MECOM: variants seen among roughly 807,000 people sequenced by gnomAD.
The protein encoded by MECOM is MDS1 and EVI1 complex locus, also known as histone-lysine N-methyltransferase MECOM.
In MECOM, 13 loss-of-function variants were observed where a neutral mutation model predicts 116.3. The ratio of observed to expected loss-of-function variants is 0.11; its 90% confidence interval spans 0.07 to 0.18. MECOM has a LOEUF of 0.18. Ranked by LOEUF, MECOM falls within the 10% of genes least tolerant of loss-of-function variation. MECOM has a pLI of 1.00. For missense variants in MECOM, 1,299 were observed against 1,509.0 expected, an observed-to-expected ratio of 0.86 and a Z score of 2.31; for synonymous variants, 528 against 535.2, an observed-to-expected ratio of 0.99 and a Z score of 0.19.
At chr3:169,315,601 G>C (rs990135685) in intron 2 of MECOM, among the ~76,000 whole-genome samples, 57 of 152,212 alleles carry the variant, frequency 3.7e-4, no homozygotes, top group African/African-American at 1.3e-3. Context: ...TATGTAACAA[G>C]AATAATAAAT....
At chr3:169,438,521 G>A (rs527423843) in intron 1 of MECOM, among the ~76,000 whole-genome samples, 1 of 152,286 alleles carries the variant, frequency 6.6e-6, no homozygotes, top group South Asian at 2.1e-4. Flanking sequence ...TGAGGGATCT[G>A]GGGTTTTATC....
chr3:169,498,454 T>C (rs113663410), intron 1 of MECOM, among the ~76,000 whole-genome samples: 3 of 152,182 alleles, frequency 2.0e-5, no homozygotes, highest in Non-Finnish European at 2.9e-5. Context: ...TAAAGGATGC[T>C]CGGTTTATGC....
At chr3:169,624,145 G>A (rs751202150) in intron 1 of MECOM, among the ~76,000 whole-genome samples, 6 of 152,178 alleles carry the variant, frequency 3.9e-5, no homozygotes, top group Non-Finnish European at 7.3e-5. Flanking sequence ...AGATGAAGGC[G>A]CAGGGGCCTA....
At chr3:169,506,299 G>A (rs1445263735) in intron 1 of MECOM, among the ~76,000 whole-genome samples, 2 of 152,052 alleles carry the variant, frequency 1.3e-5, no homozygotes, top group Non-Finnish European at 2.9e-5. Context: ...TTTAACCAAG[G>A]AAATGACTAT....
intron 2 of MECOM, among the ~76,000 whole-genome samples, chr3:169,287,717 G>A (rs574948761): frequency 5.9e-5 from 9 of 152,204 alleles, no homozygotes; most frequent in Admixed American, 4.6e-4. Context: ...ATCCTTAAAA[G>A]TGAGGCCGTA....
chr3:169,519,295 G>T (rs1757068649), intron 1 of MECOM, among the ~76,000 whole-genome samples: 1 of 152,136 alleles, frequency 6.6e-6, no homozygotes, highest in African/African-American at 2.4e-5. Context: ...TCATTTTATA[G>T]ACAGAGACTG....
At chr3:169,414,074 C>A (rs541899313) in intron 1 of MECOM, among the ~76,000 whole-genome samples, 168 of 152,284 alleles carry the variant, frequency 1.1e-3, no homozygotes, top group African/African-American at 3.9e-3. Context: ...GGTCCCAGAC[C>A]CCCGTGCCTC....
intron 2 of MECOM, among the ~76,000 whole-genome samples, chr3:169,156,682 C>T (rs1018211497): frequency 6.6e-6 from 1 of 152,132 alleles, no homozygotes; most frequent in African/African-American, 2.4e-5. Flanking sequence ...CAAGATCAAC[C>T]CACTTCTTCC....
intron 2 of MECOM, chr3:169,269,099 T>C (rs900543752): frequency 3.3e-5 from 5 of 151,938 alleles, no homozygotes; most frequent in African/African-American, 1.2e-4. Context: ...ATGGCATTCC[T>C]CTCGGTGAAC....
chr3:169,568,607 T>C (rs1379112222), intron 1 of MECOM, among the ~76,000 whole-genome samples: 8 of 152,144 alleles, frequency 5.3e-5, no homozygotes, highest in African/African-American at 1.9e-4. Context: ...CACCAGGAAC[T>C]TCCAACTAGG....
In MECOM at chr3:169,630,350, G is replaced by A. The variant is rs1431457055; in HGVS notation, c.37+32986C>T. On this transcript the variant is annotated intron_variant, in intron 1 of 16. Coordinates refer to ENST00000651503, the MANE Select transcript of MECOM (RefSeq NM_004991.4). The stretch of plus-strand genomic sequence containing the variant: ...GAAAGTCACCTTGGTTTGACAAGGG[G>A]CCCATGAGAAGGATGGAGTTTGGGG... Among the ~76,000 whole-genome samples, 3 of 152,000 alleles carry A rather than the reference G, an allele frequency of 2.0e-5. No individual in the cohort carries two copies. In the East Asian group the frequency reaches 5.8e-4, roughly 29 times the overall value.
chr3:169,630,334 C>A (rs748996866), intron 1 of MECOM, among the ~76,000 whole-genome samples: 15 of 151,878 alleles, frequency 9.9e-5, no homozygotes, highest in Non-Finnish European at 1.9e-4. Flanking sequence ...AGAAAGTCAC[C>A]TTGGTTTGAC....
intron 1 of MECOM, among the ~76,000 whole-genome samples, chr3:169,490,859 T>G (rs1753000352): frequency 6.6e-6 from 1 of 152,176 alleles, no homozygotes; most frequent in Non-Finnish European, 1.5e-5. Context: ...TTATGTTCTT[T>G]TTCATGTATT....
At chr3:169,250,056 AG>A (rs2149580968) in intron 2 of MECOM, among the ~76,000 whole-genome samples, 1 of 152,306 alleles carries the variant, frequency 6.6e-6, no homozygotes, top group South Asian at 2.1e-4. Context: ...TCAAACTTGC[AG>A]GAGGCGGGAG....
chr3:169,122,267 C>T (rs927740814), intron 6 of MECOM, among the ~76,000 whole-genome samples: 11 of 152,158 alleles, frequency 7.2e-5, no homozygotes, highest in African/African-American at 2.7e-4. Context: ...AATTTTCATT[C>T]TCCGCAAGGC....
At chr3:169,150,257 G>C (rs1329984147) in intron 2 of MECOM, among the ~76,000 whole-genome samples, 1 of 152,190 alleles carries the variant, frequency 6.6e-6, no homozygotes, top group Non-Finnish European at 1.5e-5. Flanking sequence ...AAGAAGGTTA[G>C]AGGAAAAGGA....
intron 1 of MECOM, among the ~76,000 whole-genome samples, chr3:169,483,206 T>TTA (rs970206960): frequency 7.0e-5 from 9 of 129,126 alleles, no homozygotes; most frequent in African/African-American, 2.0e-4. Context: ...ATTTTTATTT[T>TTA]TTTTTTTTTT....
chr3:169,294,488 G>C (rs1464469173), intron 2 of MECOM, among the ~76,000 whole-genome samples: 1 of 152,150 alleles, frequency 6.6e-6, no homozygotes, highest in East Asian at 1.9e-4. Context: ...CTCAAGAGGG[G>C]CAGAAGCAGT....
chr3:169,400,096 T>G lies in MECOM; in HGVS notation c.38-18572A>C, dbSNP rs146481734. On this transcript the variant is annotated intron_variant, in intron 1 of 16. Transcript: ENST00000651503. ...GACGTTCATTTTAATGATGCTTACT[T>G]TATTACTTGTCAGAAAAGTGAAATG... Among the ~76,000 whole-genome samples the G allele has an allele frequency of 1.3e-3, 204 of 152,334 alleles. 1 individual carries two copies. Among genetic ancestry groups the G allele is most frequent in the African/African-American group, 4.6e-3 (193 of 41,584 alleles).
Sources: allele counts gnomAD v4.1 joint callset (sites outside exome capture counted in the v4.1 genomes callset), GRCh38; gene constraint gnomAD v4.1.1; transcripts MANE v1.5; gene names NCBI Gene and HGNC (gene_info 2026-07-23, HGNC 2026-07-21).